STXBP4: variants seen among roughly 807,000 people sequenced by gnomAD.
The protein encoded by STXBP4 is syntaxin binding protein 4.
Under a neutral mutation model 76.1 loss-of-function variants are expected in STXBP4, and 55 were observed. The observed-to-expected ratio is 0.72, with a 90% CI of 0.58 to 0.91. The LOEUF (loss-of-function observed/expected upper bound fraction) is 0.91. STXBP4 is among the 40% of genes least tolerant of loss of function. STXBP4 has a pLI of 0.00. For missense variants in STXBP4, 618 were observed against 636.9 expected, an observed-to-expected ratio of 0.97 and a Z score of 0.32; for synonymous variants, 201 against 220.2, an observed-to-expected ratio of 0.91 and a Z score of 0.77.
the STXBP4 span, among the ~76,000 whole-genome samples, chr17:55,208,658 T>A: frequency 1.2e-4 from 18 of 149,026 alleles, no homozygotes; most frequent in South Asian, 4.0e-3. Context: ...AACCATGTTG[T>A]TTTATGATCC....
intron 12 of STXBP4, among the ~76,000 whole-genome samples, chr17:55,061,319 A>G (rs530838587): frequency 6.6e-6 from 1 of 152,336 alleles, no homozygotes; most frequent in Non-Finnish European, 1.5e-5. Flanking sequence ...TTTCTTGTGT[A>G]TTCATTTAAA....
chr17:55,157,195 T>A (rs1296619117), intron 17 of STXBP4, among the ~76,000 whole-genome samples: 1 of 152,232 alleles, frequency 6.6e-6, no homozygotes, highest in African/African-American at 2.4e-5. Context: ...TGGACTAATA[T>A]GTGCTGATAA....
intron 16 of STXBP4, among the ~76,000 whole-genome samples, chr17:55,106,058 T>G (rs902404640): frequency 2.0e-5 from 3 of 152,154 alleles, no homozygotes; most frequent in Admixed American, 6.5e-5. Context: ...GAGTGGGATG[T>G]TAAAGTCTCC....
chr17:55,052,734 A>G (rs2078873949), intron 12 of STXBP4, among the ~76,000 whole-genome samples: 3 of 152,170 alleles, frequency 2.0e-5, no homozygotes, highest in Admixed American at 1.3e-4. Flanking sequence ...GATATCACCA[A>G]TGAAGAACAT....
At chr17:54,998,574 T>C (rs1487164598) in intron 4 of STXBP4, among the ~76,000 whole-genome samples, 1 of 152,228 alleles carries the variant, frequency 6.6e-6, no homozygotes, top group Non-Finnish European at 1.5e-5. Flanking sequence ...CCAGTTAGAA[T>C]TGTCATTATT....
chr17:55,177,240 G>A (rs556208677), downstream of STXBP4, among the ~76,000 whole-genome samples: 1 of 151,984 alleles, frequency 6.6e-6, no homozygotes, highest in African/African-American at 2.4e-5. Context: ...AAAACTCCCA[G>A]GTGTAGAGGA....
rs1227175217 is a variant in STXBP4 at position 55,173,096 on chromosome 17, A to G, written c.*13185A>G. 1 of 152,202 alleles carries G rather than the reference A, an allele frequency of 6.6e-6. No individual in the cohort carries two copies. The highest frequency in any genetic ancestry group is 1.5e-5 in the Non-Finnish European group (1 of 68,018). 9.4% of individuals were successfully genotyped at this position (152,202 alleles called of 1,614,324 possible). On this transcript the variant is annotated 3_prime_UTR_variant, in exon 18 of 18. Coordinates refer to ENST00000376352, the MANE Select transcript of STXBP4 (RefSeq NM_178509.6). The stretch of plus-strand genomic sequence containing the variant: ...ATACATTCATTCTCTAGGATTGGAA[A>G]TTCCCAGAAAGCTGTGTCAGCAATG...
chr17:55,043,666 A>G lies in STXBP4; in HGVS notation c.945+341A>G, dbSNP rs113843143. 158 of 1,549,220 alleles carry G rather than the reference A, an allele frequency of 1.0e-4. 1 individual carries two copies. The Middle Eastern group carries it at 1.2e-3, about 11-fold the overall frequency. On this transcript the variant is annotated intron_variant, in intron 11 of 17. Transcript: ENST00000376352. ...ATAAAGCAAGTCGTGGCAATTTTGGATCCTGTGAGTTCTTTGGGAAATACA... is the reference window on the plus strand; with the variant it reads ...ATAAAGCAAGTCGTGGCAATTTTGGGTCCTGTGAGTTCTTTGGGAAATACA...
intron 16 of STXBP4, among the ~76,000 whole-genome samples, chr17:55,128,573 A>T (rs764287189): frequency 3.3e-5 from 5 of 152,202 alleles, no homozygotes; most frequent in Admixed American, 6.5e-5. Context: ...ATAACTGGAC[A>T]CAACTATAAG....
chr17:55,007,505 G>T lies in STXBP4; in HGVS notation c.575-1G>T. The T allele has an allele frequency of 6.2e-7, 1 of 1,609,096 alleles. No homozygotes were observed. The highest frequency in any genetic ancestry group is 2.2e-5 in the East Asian group (1 of 44,686). On this transcript the variant is annotated splice_acceptor_variant, in intron 7 of 17. Transcript: ENST00000376352. LOFTEE classifies it high-confidence loss of function. ...TTAATGTGCACCCTGTTGTCTCTTA[G>T]ATGTTGCTTCTGCCTGGACTGAAAA...
At chr17:55,097,446 G>A (rs1394358515) in intron 16 of STXBP4, among the ~76,000 whole-genome samples, 3 of 152,098 alleles carry the variant, frequency 2.0e-5, no homozygotes, top group Non-Finnish European at 4.4e-5. Flanking sequence ...GGCGGATCAC[G>A]AGGTCAGGAG....
chr17:55,116,754 CA>C (rs1020180210), intron 16 of STXBP4, among the ~76,000 whole-genome samples: 6 of 151,596 alleles, frequency 4.0e-5, no homozygotes, highest in Non-Finnish European at 7.4e-5. Context: ...GAGTGGAAGC[CA>C]AAAAAACTTT....
the STXBP4 span, among the ~76,000 whole-genome samples, chr17:55,208,608 AAGAGAGAG>A: frequency 7.1e-5 from 10 of 141,650 alleles, no homozygotes; most frequent in East Asian, 2.1e-4. Context: ...GAAGGAAGGA[AAGAGAGAG>A]GGAGGGAGGG....
intron 12 of STXBP4, among the ~76,000 whole-genome samples, chr17:55,055,892 A>G (rs1369796010): frequency 6.6e-6 from 1 of 152,114 alleles, no homozygotes; most frequent in East Asian, 1.9e-4. Flanking sequence ...GTGTCCCCCA[A>G]CTGGAGGGTA....
intron 1 of STXBP4, 115 bp downstream of exon 1, chr17:54,968,930 G>A (rs1284666138): frequency 2.6e-6 from 1 of 390,734 alleles, no homozygotes; most frequent in African/African-American, 2.0e-5. Flanking sequence ...GCCATCACTT[G>A]GGGTTGCGCC....
At chr17:55,150,211 A>G (rs977068206) in intron 17 of STXBP4, among the ~76,000 whole-genome samples, 2 of 152,218 alleles carry the variant, frequency 1.3e-5, no homozygotes, top group Non-Finnish European at 2.9e-5. Context: ...CACCACAGAC[A>G]TGGCTTAAAC....
intron 8 of STXBP4, among the ~76,000 whole-genome samples, chr17:55,028,168 T>TA (rs869109460): frequency 2.0e-5 from 3 of 152,076 alleles, no homozygotes; most frequent in Non-Finnish European, 4.4e-5. Flanking sequence ...TATAATTTTT[T>TA]AAAAAATCCA....
intron 16 of STXBP4, among the ~76,000 whole-genome samples, chr17:55,124,686 T>G (rs2079887486): frequency 6.6e-6 from 1 of 152,246 alleles, no homozygotes; most frequent in Non-Finnish European, 1.5e-5. Flanking sequence ...CCATTTTTAT[T>G]GCTGTATTTG....
chr17:55,183,634 C>T, the STXBP4 span, among the ~76,000 whole-genome samples: 1 of 151,948 alleles, frequency 6.6e-6, no homozygotes, highest in Admixed American at 6.6e-5. Flanking sequence ...CTCTTGTTCA[C>T]AAGAGTCATT....
Sources: allele counts gnomAD v4.1 joint callset (sites outside exome capture counted in the v4.1 genomes callset), GRCh38; gene constraint gnomAD v4.1.1; transcripts MANE v1.5; gene names NCBI Gene and HGNC (gene_info 2026-07-23, HGNC 2026-07-21).